The following ADGRB1 variants were observed in gnomAD, a reference collection of about 807,000 sequenced individuals.
The protein encoded by ADGRB1 is brain-specific angiogenesis inhibitor 1.
ADGRB1 carries 36 observed loss-of-function variants against 175.7 expected under a neutral mutation model. That is an observed-to-expected ratio of 0.20 (90% CI 0.16 to 0.27). ADGRB1 has a LOEUF of 0.27. Among genes scored for constraint, ADGRB1 ranks in the 10% least tolerant of loss-of-function variants. ADGRB1 has a pLI of 1.00. For missense variants in ADGRB1, 1,731 were observed against 2,255.3 expected (o/e 0.77, Z 4.71); for synonymous variants, 1,054 against 979.4 (o/e 1.08, Z -1.42).
At chr8:142,538,429 G>A (rs1845065899) in intron 26 of ADGRB1, among the ~76,000 whole-genome samples, 1 of 152,226 alleles carries the variant, frequency 6.6e-6, no homozygotes, top group African/African-American at 2.4e-5. Flanking sequence ...CCATCAGCCA[G>A]GGAGCAGGTA....
chr8:142,544,499 G>C lies in ADGRB1; in HGVS notation c.*82G>C, dbSNP rs1025497652. ...TCCTGCCGCAGACGGGCACAGACAC[G>C]CTCGCGGGCAGCGGGCCAGGCCCGC... On this transcript the variant is annotated 3_prime_UTR_variant, in exon 31 of 31. Transcript: ENST00000517894. 2 of 1,388,086 alleles carry C rather than the reference G, an allele frequency of 1.4e-6. No homozygotes were observed. Among genetic ancestry groups the C allele is most frequent in the Non-Finnish European group, 9.3e-7 (1 of 1,072,292 alleles). 86.0% of individuals were successfully genotyped at this position (1,388,086 alleles called of 1,614,324 possible).
At chr8:142,465,518 G>A (rs1337985006) in intron 2 of ADGRB1, among the ~76,000 whole-genome samples, 2 of 152,074 alleles carry the variant, frequency 1.3e-5, no homozygotes, top group Non-Finnish European at 1.5e-5. Context: ...GAGGTTTCGG[G>A]TTGAGTATGC....
chr8:142,522,846 G>A, intron 22 of ADGRB1, 136 bp downstream of exon 22: 1 of 1,030,868 alleles, frequency 9.7e-7, no homozygotes, highest in Non-Finnish European at 1.3e-6. Context: ...GGGAGGGTGG[G>A]GCCCCAGGGG....
chr8:142,462,975 G>C (rs1252908356), intron 1 of ADGRB1, among the ~76,000 whole-genome samples: 2 of 152,174 alleles, frequency 1.3e-5, no homozygotes, highest in African/African-American at 4.8e-5. Flanking sequence ...ACTCAACCTG[G>C]GCCCTCTCCT....
In ADGRB1 at chr8:142,464,415, C is replaced by T. The variant is rs1367256911; in HGVS notation, c.217C>T (p.Arg73Cys). The change falls in exon 2 of 31, where the codon CGC becomes TGC. Residue 73 changes from arginine to cysteine, a missense_variant. This residue lies in a region of ADGRB1 where 383 missense variants were observed against 383.1 expected (regional missense o/e 1.00). Coordinates refer to ENST00000517894, the MANE Select transcript of ADGRB1 (RefSeq NM_001702.3). Reference sequence around the variant, plus strand: ...CGCCTCGCGCTGCTCCTGGACGCTACGCAACCCGGACCCGCGGCGCTACAC... The same window carrying T: ...CGCCTCGCGCTGCTCCTGGACGCTATGCAACCCGGACCCGCGGCGCTACAC... ...ANASRCSWTL[R>C]NPDPRRYTLY... 1.9e-6 allele frequency: 3 copies of T among 1,546,622 alleles called. No homozygotes were observed. Among genetic ancestry groups the T allele is most frequent in the Non-Finnish European group, 1.7e-6 (2 of 1,150,122 alleles).
rs369014778 is a variant in ADGRB1, at chr8:142,537,798, A to G, written c.3666+716A>G. ...TGGCGGTTCCTACGTAAGGGCCCCC[A>G]ACAGCCCCCTGTGGAGCCTCAACTC... On this transcript the variant is annotated intron_variant, in intron 26 of 30. Transcript: ENST00000517894. This position sits in a 1 kb window ranked among gnomAD's most constrained non-coding sequence, Gnocchi z 4.6. 3.3e-5 allele frequency among the ~76,000 whole-genome samples: 5 copies of G among 152,138 alleles called. No individual in the cohort carries two copies. The South Asian group carries it at 1.0e-3, about 32-fold the overall frequency.
intron 16 of ADGRB1, among the ~76,000 whole-genome samples, chr8:142,490,109 T>G (rs1242927091): frequency 1.3e-5 from 2 of 152,136 alleles, no homozygotes; most frequent in South Asian, 2.1e-4. Flanking sequence ...GCCAGGGCTG[T>G]AGGAAGCCAC....
At position 142,476,653 on chromosome 8, in the gene ADGRB1, G is replaced by C; in HGVS notation, c.1015G>C (p.Gly339Arg). Reference sequence around the variant, plus strand: ...AGATGCCCGGCGGCGCGAGGAGCTGGGGGACGAGCTGCAGCAGTTTGGGTT... The same window carrying C: ...AGATGCCCGGCGGCGCGAGGAGCTGCGGGACGAGCTGCAGCAGTTTGGGTT... Reference protein sequence around the residue: ...STDARRREELGDELQQFGFPA... With the variant: ...STDARRREELRDELQQFGFPA... The change falls in exon 4 of 31, where the codon GGG (glycine) becomes CGG (arginine). Residue 339 changes from glycine (G) to arginine (R), a missense_variant. This residue lies in a region of ADGRB1 where 178 missense variants were observed against 227.8 expected (regional missense o/e 0.78). Transcript: ENST00000517894. 1 of 1,548,258 alleles carries C rather than the reference G, an allele frequency of 6.5e-7. No individual in the cohort carries two copies. Among genetic ancestry groups the C allele is most frequent in the South Asian group, 1.2e-5 (1 of 83,974 alleles).
At chr8:142,520,516 G>A (rs372544885) in intron 19 of ADGRB1, among the ~76,000 whole-genome samples, 20 of 113,176 alleles carry the variant, frequency 1.8e-4, no homozygotes, top group South Asian at 6.2e-4. Context: ...TGATGTAGTG[G>A]TGGTGGTGAT....
rs747278075 is a variant in ADGRB1, at chr8:142,543,477, C to A, written c.4449+39C>A. 2.5e-6 allele frequency: 4 copies of A among 1,612,766 alleles called. No individual in the cohort carries two copies. The highest frequency in any genetic ancestry group is 3.4e-6 in the Non-Finnish European group (4 of 1,179,450). On this transcript the variant is annotated intron_variant, in intron 29 of 30. Coordinates refer to ENST00000517894, the MANE Select transcript of ADGRB1 (RefSeq NM_001702.3). This position sits in a 1 kb window ranked among gnomAD's most constrained non-coding sequence, Gnocchi z 4.4. ...TCCCCCCCCACCAGACACTTAGGGC[C>A]AGATGTGCTCTGGGCTCCCACACGG...
chr8:142,507,424 C>T (rs1842899016), intron 17 of ADGRB1, among the ~76,000 whole-genome samples: 1 of 152,224 alleles, frequency 6.6e-6, no homozygotes, highest in Non-Finnish European at 1.5e-5. Flanking sequence ...CCAGAGCTGC[C>T]AGCCTGACCA....
chr8:142,527,126 A>T (rs1320286547), intron 24 of ADGRB1, among the ~76,000 whole-genome samples: 1 of 152,172 alleles, frequency 6.6e-6, no homozygotes, highest in Non-Finnish European at 1.5e-5. Flanking sequence ...AAGCCCAGGG[A>T]GTGCTCTCAG....
At chr8:142,488,619 A>C in intron 14 of ADGRB1, 112 bp downstream of exon 14, 1,031 of 1,384,648 alleles carry the variant, frequency 7.4e-4, no homozygotes, top group Non-Finnish European at 9.1e-4. Flanking sequence ...GGCGGTTCTC[A>C]AGGGGGTCCT....
At chr8:142,540,477 T>C (rs1011545046) in intron 27 of ADGRB1, among the ~76,000 whole-genome samples, 1 of 117,890 alleles carries the variant, frequency 8.5e-6, no homozygotes, top group African/African-American at 3.3e-5. Flanking sequence ...CACATGCAGC[T>C]GGTGGATGCG....
At chr8:142,517,341 C>T (rs1235409101) in intron 18 of ADGRB1, among the ~76,000 whole-genome samples, 2 of 152,172 alleles carry the variant, frequency 1.3e-5, no homozygotes, top group African/African-American at 2.4e-5. Context: ...CCACTTTATT[C>T]AGGTCACCCC....
rs1309196117 is a variant in ADGRB1, at chr8:142,542,398, C to T, written c.4164C>T (p.Leu1388=). 7.7e-6 allele frequency: 12 copies of T among 1,548,522 alleles called. No homozygotes were observed. Among genetic ancestry groups the T allele is most frequent in the South Asian group, 7.1e-5 (6 of 84,256 alleles). ...IHLSTAPEAS[L]PARSPPSRQP... is the part of the protein sequence containing the mutation. ...TCAGCACGGCCCCCGAGGCCAGCCT[C>T]CCCGCCCGCAGCCCGCCCTCCCGCC... Residue 1388 remains leucine, a synonymous_variant, in exon 28 of 31, where the codon CTC becomes CTT. Coordinates refer to ENST00000517894, the MANE Select transcript of ADGRB1 (RefSeq NM_001702.3). The surrounding 1 kb of genome is among the most constrained non-coding windows in gnomAD (Gnocchi z 6.3).
rs1350088583 is a variant in ADGRB1, at chr8:142,464,306, G to GGGGCCC, written c.116_121dup (p.Gly39_Pro40dup). On this transcript the variant is annotated inframe_insertion, in exon 2 of 31. Transcript: ENST00000517894. The stretch of plus-strand genomic sequence containing the variant: ...CGCGGGCGGCCGCCGGAGCAGACGC[G>GGGGCCC]GGGCCCGGGCCCGAGCCGTGCGCCA... 2.1e-6 allele frequency: 3 copies of GGGGCCC among 1,403,702 alleles called. No individual in the cohort carries two copies. Among genetic ancestry groups the GGGGCCC allele is most frequent in the South Asian group, 1.6e-5 (1 of 64,196 alleles). The allele number at this position is 1,403,702 out of a possible 1,614,324, so 87.0% of individuals were successfully genotyped here.
chr8:142,518,335 CT>C, intron 19 of ADGRB1, 94 bp downstream of exon 19: 1 of 1,336,210 alleles, frequency 7.5e-7, no homozygotes, highest in Non-Finnish European at 1.1e-6. Context: ...GTGGGTGCCC[CT>C]CCCTCCATTT....
At position 142,479,748 on chromosome 8, in the gene ADGRB1, C is replaced by T; in HGVS notation, c.1782C>T (p.Thr594=). ...DNFGAVIWKE[T]PAGEVAAVRC... Reference sequence around the variant, plus strand: ...TTGGTGCTGTGATCTGGAAGGAGACCCCAGCGGGAGAGGTGGCTGCTGTCC... The same window carrying T: ...TTGGTGCTGTGATCTGGAAGGAGACTCCAGCGGGAGAGGTGGCTGCTGTCC... Residue 594 remains threonine, a synonymous_variant, in exon 9 of 31, where the codon ACC becomes ACT. Coordinates refer to ENST00000517894, the MANE Select transcript of ADGRB1 (RefSeq NM_001702.3). 2.5e-6 allele frequency: 4 copies of T among 1,613,652 alleles called. 1 individual carries two copies. The South Asian group carries it at 3.3e-5, about 13-fold the overall frequency.
Sources: allele counts gnomAD v4.1 joint callset (sites outside exome capture counted in the v4.1 genomes callset), GRCh38; gene constraint gnomAD v4.1.1; regional missense constraint gnomAD v4.1.1; non-coding constraint Gnocchi (gnomAD v3.1); transcripts MANE v1.5; gene names NCBI Gene and HGNC (gene_info 2026-07-23, HGNC 2026-07-21).